Variants in CCND3 observed in about 807,000 individuals in gnomAD.
The protein encoded by CCND3 is cyclin D3.
In CCND3, 9 loss-of-function variants were observed where a neutral mutation model predicts 28.7. The ratio of observed to expected loss-of-function variants is 0.31; its 90% confidence interval spans 0.19 to 0.55. CCND3 has a LOEUF of 0.55. Among genes scored for constraint, CCND3 ranks in the 20% least tolerant of loss-of-function variants. The pLI is 0.93. For missense variants in CCND3, 315 were observed against 385.8 expected (o/e 0.82, Z 1.54); for synonymous variants, 164 against 163.9 (o/e 1.00, Z 0.00).
intron 1 of CCND3, among the ~76,000 whole-genome samples, chr6:41,977,954 C>G (rs896100551): frequency 9.9e-5 from 15 of 152,106 alleles, no homozygotes; most frequent in Non-Finnish European, 1.6e-4. Flanking sequence ...ACTTGGGAGG[C>G]TGAGGTGGGA....
Position 41,948,090 on chromosome 6 carries a change from G to C in CCND3, c.-45-7505C>G, listed in dbSNP as rs116931377. Among the ~76,000 whole-genome samples, 30 of 152,160 alleles carry C rather than the reference G, an allele frequency of 2.0e-4. 2 individuals are homozygous for C. The East Asian group carries it at 5.0e-3, about 26-fold the overall frequency. On this transcript the variant is annotated intron_variant, in intron 1 of 4. Transcript: ENST00000372988. ...ATGGCCCACTCCCTCACTTCCTTCAGGAAGTCCAAAAGTTGCATTCCTCTT... is the reference window on the plus strand; with the variant it reads ...ATGGCCCACTCCCTCACTTCCTTCACGAAGTCCAAAAGTTGCATTCCTCTT...
At chr6:41,996,621 G>A (rs868748493) in intron 1 of CCND3, among the ~76,000 whole-genome samples, 16 of 151,470 alleles carry the variant, frequency 1.1e-4, no homozygotes, top group Admixed American at 2.6e-4. Context: ...ATTTATTACC[G>A]GTGTAGTTAA....
chr6:41,945,519 A>G (rs1582094142), upstream of CCND3, among the ~76,000 whole-genome samples: 1 of 152,318 alleles, frequency 6.6e-6, no homozygotes, highest in East Asian at 1.9e-4. Context: ...TGTCTCCAAA[A>G]AAAAAAGTCC....
At chr6:41,962,054 A>T (rs1582110569) in intron 1 of CCND3, among the ~76,000 whole-genome samples, 1 of 152,046 alleles carries the variant, frequency 6.6e-6, no homozygotes, top group African/African-American at 2.4e-5. Flanking sequence ...CCTCTCTTCC[A>T]CCAGTTACCA....
chr6:42,006,907 C>CAA (rs34010973), intron 1 of CCND3, among the ~76,000 whole-genome samples: 23 of 115,918 alleles, frequency 2.0e-4, no homozygotes, highest in South Asian at 1.4e-3. Context: ...GACTCTGTCT[C>CAA]AAAAAAAAAA....
intron 1 of CCND3, among the ~76,000 whole-genome samples, chr6:41,952,817 T>C (rs1376493262): frequency 6.6e-6 from 1 of 151,662 alleles, no homozygotes; most frequent in Non-Finnish European, 1.5e-5. Context: ...TGTGAGTGTG[T>C]GTGTGTGTGT....
chr6:41,990,223 A>G (rs570739769), intron 1 of CCND3, among the ~76,000 whole-genome samples: 19 of 152,246 alleles, frequency 1.2e-4, no homozygotes, highest in South Asian at 2.1e-4. Context: ...AAAACCTACA[A>G]ATAAATTTTA....
chr6:41,948,021 G>A (rs909750323), intron 1 of CCND3, among the ~76,000 whole-genome samples: 2 of 152,162 alleles, frequency 1.3e-5, no homozygotes, highest in East Asian at 1.9e-4. Flanking sequence ...CTCTTTGCAC[G>A]TGCTGTTCCA....
intron 1 of CCND3, among the ~76,000 whole-genome samples, chr6:42,010,234 C>T (rs1763300585): frequency 6.6e-6 from 1 of 152,170 alleles, no homozygotes; most frequent in Non-Finnish European, 1.5e-5. Context: ...ACAACACTTC[C>T]ATCTCTTCAC....
intron 1 of CCND3, among the ~76,000 whole-genome samples, chr6:42,014,200 C>T (rs971661099): frequency 6.6e-6 from 1 of 151,348 alleles, no homozygotes; most frequent in African/African-American, 2.4e-5. Context: ...CCCGTCTCTA[C>T]CAAAAATACA....
chr6:41,996,071 T>C (rs1297659695), intron 1 of CCND3, among the ~76,000 whole-genome samples: 1 of 148,696 alleles, frequency 6.7e-6, no homozygotes, highest in Non-Finnish European at 1.5e-5. Context: ...TATTCTATTA[T>C]TTGTAGAGTT....
At chr6:42,041,895 G>C (rs1294805612) in intron 1 of CCND3, among the ~76,000 whole-genome samples, 1 of 152,218 alleles carries the variant, frequency 6.6e-6, no homozygotes, top group African/African-American at 2.4e-5. Context: ...CTCAAGGTCT[G>C]CATCTGTCTG....
At chr6:42,020,938 G>C (rs551283033) in intron 1 of CCND3, among the ~76,000 whole-genome samples, 1 of 152,302 alleles carries the variant, frequency 6.6e-6, no homozygotes, top group Admixed American at 6.5e-5. Context: ...TTTTAGTAGA[G>C]ACAGGGTTTC....
At chr6:41,944,904 GC>G (rs1266183292), upstream of CCND3, among the ~76,000 whole-genome samples, 1 of 152,190 alleles carries the variant, frequency 6.6e-6, no homozygotes, top group Non-Finnish European at 1.5e-5. Flanking sequence ...GACTTTCAGG[GC>G]CAAGGACTGG....
chr6:41,994,343 C>T (rs1762736173), intron 1 of CCND3, among the ~76,000 whole-genome samples: 1 of 152,008 alleles, frequency 6.6e-6, no homozygotes, highest in South Asian at 2.1e-4. Flanking sequence ...ATGACAACAT[C>T]ACCTGACAAC....
chr6:42,033,459 T>A lies in CCND3; in HGVS notation c.-46+15042A>T, dbSNP rs373594378. 6.7e-3 allele frequency among the ~76,000 whole-genome samples: 867 copies of A among 128,880 alleles called. 5 individuals carry two copies. Among genetic ancestry groups the A allele is most frequent in the Non-Finnish European group, 8.7e-3 (563 of 64,422 alleles). 84.6% of individuals were successfully genotyped at this position (128,880 alleles called of 152,430 possible). A position where few individuals can be genotyped will look rare whatever the true frequency, so the allele number is the denominator to read the frequency against. On this transcript the variant is annotated intron_variant, in intron 1 of 4. Coordinates refer to the CCND3 transcript ENST00000372988. ...AGCGAGACTCCATCTAAAAAAAAAA[T>A]ATATATATATGTGTATATATATGCA...
At chr6:41,974,012 A>G (rs1390956123) in intron 1 of CCND3, among the ~76,000 whole-genome samples, 2 of 152,106 alleles carry the variant, frequency 1.3e-5, no homozygotes, top group Non-Finnish European at 2.9e-5. Context: ...GCAAAAACCC[A>G]TCTCTACTAA....
At chr6:41,937,873 C>T (rs926613907) in intron 2 of CCND3, 3 of 171,756 alleles carry the variant, frequency 1.7e-5, no homozygotes, top group African/African-American at 7.2e-5. Context: ...TGCATCCCAG[C>T]CAAGTCCACA....
At chr6:41,986,806 G>C (rs988033551) in intron 1 of CCND3, among the ~76,000 whole-genome samples, 5 of 151,976 alleles carry the variant, frequency 3.3e-5, no homozygotes, top group Admixed American at 2.6e-4. Context: ...ATATTGAATA[G>C]AAGTGGTGAG....
Sources: gnomAD v4.1 joint callset for allele counts (sites outside exome capture counted in the v4.1 genomes callset) on GRCh38, gnomAD v4.1.1 for gene constraint, MANE v1.5 for transcripts, NCBI Gene and HGNC (gene_info 2026-07-23, HGNC 2026-07-21) for gene names.